PCDHGA4: variants seen among roughly 807,000 people sequenced by gnomAD.
PCDHGA4 encodes protocadherin gamma-A4.
In PCDHGA4, 38 loss-of-function variants were observed where a neutral mutation model predicts 54.6. That is an observed-to-expected ratio of 0.70 (90% CI 0.54 to 0.91). The LOEUF is 0.91. Among genes scored for constraint, PCDHGA4 ranks in the 40% least tolerant of loss-of-function variants. The probability of loss-of-function intolerance (pLI) is 0.00; values close to 1 mark genes in which losing one functional copy is unlikely to be tolerated. For missense variants in PCDHGA4, 1,298 were observed against 1,220.9 expected (o/e 1.06, Z -0.94); for synonymous variants, 511 against 512.9 (o/e 1.00, Z 0.05).
At chr5:141,392,229 TTC>T (rs1184019586) in intron 1 of PCDHGA4, 5 of 152,224 alleles carry the variant, frequency 3.3e-5, no homozygotes, top group Admixed American at 6.5e-5. Context: ...ACAACTGAAG[TTC>T]TTAGTTATTT....
chr5:141,421,665 C>T, intron 1 of PCDHGA4: 1 of 1,613,854 alleles, frequency 6.2e-7, no homozygotes, highest in African/African-American at 1.3e-5. Context: ...TCAGTGAGCA[C>T]GCAATTCCTG....
intron 1 of PCDHGA4, chr5:141,395,051 A>G: frequency 6.2e-7 from 1 of 1,614,178 alleles, no homozygotes; most frequent in Non-Finnish European, 8.5e-7. Flanking sequence ...TTGAGGAGGT[A>G]CAGGCTTTCC....
chr5:141,415,740 GTTTTTTTTT>G (rs57426385), intron 1 of PCDHGA4: 9,508 of 621,550 alleles, frequency 0.015, 13 homozygotes, highest in Non-Finnish European at 0.016. Context: ...GTTTATTAAG[GTTTTTTTTT>G]TTTTTTTTTT....
intron 1 of PCDHGA4, chr5:141,366,686 G>A (rs200958152): frequency 5.3e-5 from 86 of 1,614,138 alleles, no homozygotes; most frequent in Non-Finnish European, 6.8e-6. Flanking sequence ...AGAGAGCTGT[G>A]AGAAAAGCGA....
rs1423427104 is a variant in PCDHGA4, at chr5:141,417,737, C to T, written c.2514+60116C>T. 5 of 1,407,068 alleles carry T rather than the reference C, an allele frequency of 3.6e-6. No homozygotes were observed. In the African/African-American group the frequency reaches 7.2e-5, roughly 20 times the overall value. 87.2% of individuals were successfully genotyped at this position (1,407,068 alleles called of 1,614,324 possible). ...CCGGCTGCGCAGACCTTGCCCAGCA[C>T]ACCAGATTGCCAGCTCCGAGACCCG... is the stretch of plus-strand genomic sequence containing the variant. On this transcript the variant is annotated intron_variant, in intron 1 of 3. Transcript: ENST00000571252.
chr5:141,421,617 C>T, intron 1 of PCDHGA4: 3 of 1,613,768 alleles, frequency 1.9e-6, no homozygotes, highest in African/African-American at 1.3e-5. Context: ...TTAATGATAA[C>T]GCCCCCAGCT....
intron 1 of PCDHGA4, chr5:141,361,519 G>A (rs1265098241): frequency 6.2e-7 from 1 of 1,614,024 alleles, no homozygotes; most frequent in East Asian, 2.2e-5. Flanking sequence ...GGTTCACGTG[G>A]CAGAGAACAA....
chr5:141,362,004 G>A (rs779926353), intron 1 of PCDHGA4: 27 of 1,604,352 alleles, frequency 1.7e-5, no homozygotes, highest in African/African-American at 1.6e-4. Flanking sequence ...GGTTGCGCAC[G>A]GGTGAGGTGC....
At chr5:141,453,608 C>T (rs1015022396) in intron 1 of PCDHGA4, among the ~76,000 whole-genome samples, 6 of 152,068 alleles carry the variant, frequency 3.9e-5, no homozygotes, top group South Asian at 2.1e-4. Context: ...TTTTGCAAAA[C>T]GCAAAAACAA....
chr5:141,367,096 G>A (rs1364732092), intron 1 of PCDHGA4: 1 of 251,526 alleles, frequency 4.0e-6, no homozygotes, highest in East Asian at 1.1e-4. Flanking sequence ...TCTCTTTTGA[G>A]TGTCTGCCTA....
At chr5:141,415,762 T>G (rs1561760360) in intron 1 of PCDHGA4, 16 of 1,399,878 alleles carry the variant, frequency 1.1e-5, no homozygotes, top group East Asian at 5.3e-5. Flanking sequence ...TTTTTTTTTT[T>G]TTTTTTTTTT....
chr5:141,408,316 G>A (rs1407149479), intron 1 of PCDHGA4: 3 of 1,613,750 alleles, frequency 1.9e-6, no homozygotes, highest in African/African-American at 1.3e-5. Context: ...ACTCGATTCC[G>A]GAGGAGCTGG....
rs370704205 is a variant in PCDHGA4, at chr5:141,422,166, T to C, written c.2514+64545T>C. 4.5e-6 allele frequency: 7 copies of C among 1,569,374 alleles called. No individual in the cohort carries two copies. In the South Asian group the frequency reaches 8.5e-5, roughly 19 times the overall value. ...GGGGGTCTCTGGATTTTGAAAAATA[T>C]AGATTCTATGAGATGGAAATTCAAG... On this transcript the variant is annotated intron_variant, in intron 1 of 3. Coordinates refer to ENST00000571252, the MANE Select transcript of PCDHGA4 (RefSeq NM_018917.4).
chr5:141,427,971 C>T (rs764145525), intron 1 of PCDHGA4: 1 of 1,593,512 alleles, frequency 6.3e-7, no homozygotes, highest in African/African-American at 1.3e-5. Flanking sequence ...GGTGCTGTAC[C>T]CCGCGCTGGG....
Position 141,491,402 on chromosome 5 carries a change from C to T in PCDHGA4, c.2515-3405C>T. 1 of 1,614,156 alleles carries T rather than the reference C, an allele frequency of 6.2e-7. No individual in the cohort carries two copies. Among genetic ancestry groups the T allele is most frequent in the Non-Finnish European group, 8.5e-7 (1 of 1,180,022 alleles). ...TCAGCGAAGTGCCTTCAGGGAAACG[C>T]AGACGGGGACGGGGGTGGAGGGCAG... On this transcript the variant is annotated intron_variant, in intron 1 of 3. Transcript: ENST00000571252. The surrounding 1 kb of genome is among the most constrained non-coding windows in gnomAD (Gnocchi z 6.9).
chr5:141,388,922 A>G (rs761599135), intron 1 of PCDHGA4: 1 of 1,614,046 alleles, frequency 6.2e-7, no homozygotes, highest in Non-Finnish European at 8.5e-7. Context: ...CAGAAGTGAT[A>G]TTCCAGTCTC....
At chr5:141,442,053 G>A (rs888378256) in intron 1 of PCDHGA4, 3 of 197,472 alleles carry the variant, frequency 1.5e-5, no homozygotes, top group Non-Finnish European at 3.2e-5. Flanking sequence ...ACTGGTCGCG[G>A]TGCACTGCGG....
intron 1 of PCDHGA4, chr5:141,362,085 A>G: frequency 3.1e-6 from 5 of 1,613,154 alleles, no homozygotes; most frequent in Non-Finnish European, 4.2e-6. Flanking sequence ...GTGATGGAGG[A>G]CAGCCGCCAC....
chr5:141,482,529 G>GAAAAAAAA (rs1256461887), intron 1 of PCDHGA4, among the ~76,000 whole-genome samples: 1 of 56,042 alleles, frequency 1.8e-5, no homozygotes, highest in Admixed American at 1.9e-4. Context: ...AGACAGACAT[G>GAAAAAAAA]CAAAAAAAAA....
Sources: gnomAD v4.1 joint callset for allele counts (sites outside exome capture counted in the v4.1 genomes callset) on GRCh38, gnomAD v4.1.1 for gene constraint, Gnocchi (gnomAD v3.1) non-coding constraint, MANE v1.5 for transcripts, NCBI Gene and HGNC (gene_info 2026-07-23, HGNC 2026-07-21) for gene names.